MEGF11: variants seen among roughly 807,000 people sequenced by gnomAD.
MEGF11 encodes the protein multiple EGF like domains 11.
MEGF11 carries 126 observed loss-of-function variants against 146.6 expected under a neutral mutation model. That is an observed-to-expected ratio of 0.86 (90% CI 0.74 to 1.00). The LOEUF is 1.00. MEGF11 is among the 50% of genes least tolerant of loss of function. The probability of loss-of-function intolerance (pLI) is 0.00; values close to 1 mark genes in which losing one functional copy is unlikely to be tolerated. For missense variants in MEGF11, 1,509 were observed against 1,521.2 expected (o/e 0.99, Z 0.13); for synonymous variants, 532 against 583.4 (o/e 0.91, Z 1.27).
intron 14 of MEGF11, 139 bp downstream of exon 14, chr15:65,922,684 G>C: frequency 7.9e-7 from 1 of 1,267,868 alleles, no homozygotes; most frequent in Admixed American, 2.8e-5. Context: ...CAGAACTGCA[G>C]AGGGAGAGAC....
At chr15:66,233,951 C>CTTTTTTTTTTTTTTTTTTTTTTTT (rs57240560) in intron 1 of MEGF11, among the ~76,000 whole-genome samples, 3 of 119,930 alleles carry the variant, frequency 2.5e-5, no homozygotes, top group Admixed American at 9.3e-5. Context: ...TTTTCTTTTT[C>CTTTTTTTTTTTTTTTTTTTTTTTT]TTTTTTTTTT....
intron 8 of MEGF11, among the ~76,000 whole-genome samples, chr15:65,969,818 T>G (rs887862033): frequency 3.3e-5 from 5 of 152,104 alleles, no homozygotes; most frequent in African/African-American, 1.2e-4. Context: ...TGTACGGCCC[T>G]TCTCTGCTTG....
intron 1 of MEGF11, among the ~76,000 whole-genome samples, chr15:66,154,760 A>T (rs748589976): frequency 3.3e-5 from 5 of 151,980 alleles, no homozygotes; most frequent in Admixed American, 6.6e-5. Context: ...CCAACCAGCC[A>T]CCCCTGTTGG....
chr15:65,996,014 C>G (rs1414007594), intron 5 of MEGF11, among the ~76,000 whole-genome samples: 1 of 152,168 alleles, frequency 6.6e-6, no homozygotes, highest in Non-Finnish European at 1.5e-5. Flanking sequence ...CAGATGTCAC[C>G]AGAGTCCTGG....
intron 5 of MEGF11, among the ~76,000 whole-genome samples, chr15:66,064,188 C>A (rs1217286677): frequency 6.6e-6 from 1 of 152,064 alleles, no homozygotes; most frequent in African/African-American, 2.4e-5. Context: ...GCCAACATGG[C>A]AAAACCCCAT....
At chr15:65,983,531 G>A (rs1055942090) in intron 5 of MEGF11, among the ~76,000 whole-genome samples, 2 of 152,198 alleles carry the variant, frequency 1.3e-5, no homozygotes, top group African/African-American at 4.8e-5. Context: ...GGAGAAGTTG[G>A]ATGGAAAGAA....
intron 5 of MEGF11, among the ~76,000 whole-genome samples, chr15:66,011,203 G>A (rs2082702382): frequency 6.6e-6 from 1 of 152,132 alleles, no homozygotes; most frequent in African/African-American, 2.4e-5. Context: ...TGTGGCCACC[G>A]TAAGATTTCA....
At chr15:66,166,584 C>T (rs986635154) in intron 1 of MEGF11, among the ~76,000 whole-genome samples, 3 of 152,116 alleles carry the variant, frequency 2.0e-5, no homozygotes, top group Non-Finnish European at 4.4e-5. Flanking sequence ...TGATCTGGTT[C>T]GTGTCCTCCC....
At chr15:65,968,298 A>AC (rs1402099724) in intron 8 of MEGF11, among the ~76,000 whole-genome samples, 2 of 152,206 alleles carry the variant, frequency 1.3e-5, no homozygotes, top group African/African-American at 4.8e-5. Flanking sequence ...CTGCAAATGG[A>AC]TTTCTCCAGA....
intron 1 of MEGF11, among the ~76,000 whole-genome samples, chr15:66,129,334 C>G (rs74021628): frequency 0.012 from 1,829 of 152,318 alleles, 40 homozygotes; most frequent in African/African-American, 0.042. Flanking sequence ...GGTCGCTGAC[C>G]TTGAGGGGTG....
intron 10 of MEGF11, 86 bp from the exon 11 acceptor site, chr15:65,931,029 C>G (rs2141306858): frequency 7.3e-7 from 1 of 1,378,156 alleles, no homozygotes; most frequent in East Asian, 2.7e-5. Flanking sequence ...CCTGCTGCCC[C>G]CAACATGTCC....
chr15:66,134,307 C>A (rs1056579384), intron 1 of MEGF11, among the ~76,000 whole-genome samples: 3 of 152,174 alleles, frequency 2.0e-5, no homozygotes, highest in African/African-American at 4.8e-5. Context: ...AGCATCTGCA[C>A]CCCCAGCCTC....
At chr15:66,138,190 A>T (rs1398319529) in intron 1 of MEGF11, among the ~76,000 whole-genome samples, 1 of 152,140 alleles carries the variant, frequency 6.6e-6, no homozygotes, top group East Asian at 1.9e-4. Flanking sequence ...TCCTTAGGGC[A>T]CATTTTCCCA....
At chr15:66,247,081 A>G (rs1240675461) in intron 1 of MEGF11, among the ~76,000 whole-genome samples, 1 of 152,166 alleles carries the variant, frequency 6.6e-6, no homozygotes, top group Non-Finnish European at 1.5e-5. Context: ...TTGGGCAGAA[A>G]GATTTTATAA....
chr15:65,992,804 CTA>C (rs1269677475), intron 5 of MEGF11, among the ~76,000 whole-genome samples: 1 of 152,102 alleles, frequency 6.6e-6, no homozygotes, highest in African/African-American at 2.4e-5. Context: ...CTCAGGATAG[CTA>C]TAGTTATCCC....
intron 5 of MEGF11, among the ~76,000 whole-genome samples, chr15:66,013,910 A>G (rs915003239): frequency 2.0e-5 from 3 of 152,220 alleles, no homozygotes; most frequent in Non-Finnish European, 2.9e-5. Flanking sequence ...GGGCCAGATC[A>G]TAGAGGTCTT....
At chr15:66,087,746 T>TCA (rs1215845617) in intron 5 of MEGF11, among the ~76,000 whole-genome samples, 4 of 151,890 alleles carry the variant, frequency 2.6e-5, no homozygotes, top group Non-Finnish European at 4.4e-5. Context: ...TAACCTAAGG[T>TCA]CACACCTCAA....
chr15:66,203,298 C>T (rs991542294), intron 1 of MEGF11, among the ~76,000 whole-genome samples: 3 of 152,160 alleles, frequency 2.0e-5, no homozygotes, highest in Non-Finnish European at 4.4e-5. Context: ...GTGGTTTTTA[C>T]GGGCATGATA....
rs912083421 is a variant in MEGF11 at position 65,916,887 on chromosome 15, C to T, written c.2156G>A (p.Ser719Asn). Residue 719 changes from serine to asparagine, a missense_variant, in exon 17 of 26, where the codon AGC (serine) becomes AAC (asparagine). Coordinates refer to ENST00000395614, the MANE Select transcript of MEGF11 (RefSeq NM_001385028.1). Reference sequence around the variant, plus strand: ...GCAGTGGCAGGCCCCGTCCTCGGCGCTGCAGCTCGCCCCGTTGTGGCAGCT... The same window carrying T: ...GCAGTGGCAGGCCCCGTCCTCGGCGTTGCAGCTCGCCCCGTTGTGGCAGCT... ...ACSCHNGASC[S>N]AEDGACHCTP... 2 of 1,586,134 alleles carry T rather than the reference C, an allele frequency of 1.3e-6. No individual in the cohort carries two copies.
Sources: gnomAD v4.1 joint callset for allele counts (sites outside exome capture counted in the v4.1 genomes callset) on GRCh38, gnomAD v4.1.1 for gene constraint, MANE v1.5 for transcripts, NCBI Gene and HGNC (gene_info 2026-07-23, HGNC 2026-07-21) for gene names.